UPRT: variants seen among roughly 807,000 people sequenced by gnomAD.
The protein encoded by UPRT is RP11-311P8.3.
Under a neutral mutation model 22.6 loss-of-function variants are expected in UPRT, and 5 were observed. That is an observed-to-expected ratio of 0.22 (90% CI 0.12 to 0.47). UPRT has a LOEUF of 0.47. Ranked by LOEUF, UPRT falls within the 20% of genes least tolerant of loss-of-function variation. The pLI, the probability that UPRT is intolerant of heterozygous loss-of-function variation, is 0.99. For synonymous variants in UPRT, 77 were observed against 87.7 expected (o/e 0.88, Z 0.68); for missense variants, 181 against 239.9 (o/e 0.75, Z 1.62).
chrX:75,157,672 T>C (rs188887900), intron 1 of UPRT, among the ~76,000 whole-genome samples: 20 of 111,837 alleles, frequency 1.8e-4, no homozygotes, highest in African/African-American at 6.5e-4. Context: ...AGTGAGAAGG[T>C]TGGATTGGAC....
intron 4 of UPRT, among the ~76,000 whole-genome samples, chrX:75,264,673 C>T (rs918074531): frequency 3.6e-5 from 4 of 111,542 alleles, no homozygotes; most frequent in African/African-American, 9.8e-5. Context: ...TTAATTGCAA[C>T]ATTTAGCCCA....
chrX:75,183,997 TC>T (rs1569260776), intron 4 of UPRT, among the ~76,000 whole-genome samples: 3 of 112,389 alleles, frequency 2.7e-5, no homozygotes, highest in Non-Finnish European at 5.6e-5. Context: ...GATGGTAGTT[TC>T]TTTTGCTGTG....
intron 4 of UPRT, among the ~76,000 whole-genome samples, chrX:75,209,986 G>C (rs1035806471): frequency 8.9e-6 from 1 of 112,073 alleles, no homozygotes; most frequent in African/African-American, 3.2e-5. Flanking sequence ...AATTTCTTTC[G>C]GATGTGTGGG....
intron 4 of UPRT, among the ~76,000 whole-genome samples, chrX:75,218,905 G>C (rs752720458): frequency 1.4e-4 from 16 of 110,673 alleles, no homozygotes; most frequent in Non-Finnish European, 2.5e-4. Flanking sequence ...GGGGAACGGG[G>C]GAGGGATAGC....
intron 4 of UPRT, among the ~76,000 whole-genome samples, chrX:75,247,603 C>A (rs746920882): frequency 4.8e-4 from 54 of 112,663 alleles, no homozygotes; most frequent in African/African-American, 1.7e-3. Context: ...GTGGAGCCCA[C>A]CATAGCTCAA....
chrX:75,180,068 C>T (rs990403989), intron 4 of UPRT, among the ~76,000 whole-genome samples: 11 of 112,711 alleles, frequency 9.8e-5, no homozygotes, highest in African/African-American at 2.3e-4. Context: ...ACTGCCAGCA[C>T]GCTGTCACCT....
chrX:75,205,305 A>G lies in UPRT; in HGVS notation c.-447+37426A>G, dbSNP rs764315136. On this transcript the variant is annotated intron_variant, in intron 4 of 13. Coordinates refer to the UPRT transcript ENST00000652605. Reference sequence around the variant, plus strand: ...GAATGGCGTGAACCCGGGAAGCGGAACTTGCAGTGAGCCGAGATTGCGCCA... The same window carrying G: ...GAATGGCGTGAACCCGGGAAGCGGAGCTTGCAGTGAGCCGAGATTGCGCCA... Among the ~76,000 whole-genome samples the G allele has an allele frequency of 5.4e-3, 563 of 104,778 alleles. 1 individual carries two copies. Among genetic ancestry groups the G allele is most frequent in the African/African-American group, 0.019 (537 of 28,450 alleles). 91.0% of individuals were successfully genotyped at this position (104,778 alleles called of 115,157 possible). A position where few individuals can be genotyped will look rare whatever the true frequency, so the allele number is the denominator to read the frequency against.
intron 4 of UPRT, among the ~76,000 whole-genome samples, chrX:75,168,876 C>A (rs772464018): frequency 1.2e-4 from 13 of 111,785 alleles, no homozygotes; most frequent in Non-Finnish European, 2.4e-4. Context: ...GTTTACCCAT[C>A]ACCTGAGCAG....
At chrX:75,211,179 G>A (rs1000239685) in intron 4 of UPRT, among the ~76,000 whole-genome samples, 4 of 111,105 alleles carry the variant, frequency 3.6e-5, no homozygotes, top group African/African-American at 9.8e-5. Context: ...ATTTAGAAGA[G>A]GGGAGTGAGT....
intron 4 of UPRT, among the ~76,000 whole-genome samples, chrX:75,186,233 G>C (rs759799099): frequency 1.6e-4 from 18 of 111,175 alleles, no homozygotes; most frequent in African/African-American, 5.6e-4. Flanking sequence ...GTTTGTTCTC[G>C]TTGGTTTCAA....
At chrX:75,218,213 A>C (rs1249304590) in intron 4 of UPRT, among the ~76,000 whole-genome samples, 6 of 111,333 alleles carry the variant, frequency 5.4e-5, no homozygotes, top group African/African-American at 1.3e-4. Flanking sequence ...CAACCCCATC[A>C]AAAAGTGGGT....
At chrX:75,168,785 T>G (rs1474222532) in intron 4 of UPRT, among the ~76,000 whole-genome samples, 1 of 111,635 alleles carries the variant, frequency 9.0e-6, no homozygotes, top group Non-Finnish European at 1.9e-5. Context: ...CACCTAGGCC[T>G]CCCAAAGTGC....
intron 4 of UPRT, among the ~76,000 whole-genome samples, chrX:75,219,761 AC>A (rs2082404349): frequency 9.0e-6 from 1 of 111,465 alleles, no homozygotes; most frequent in Non-Finnish European, 1.9e-5. Context: ...AGACCCCAAT[AC>A]AATAATAGCT....
At chrX:75,192,863 G>C (rs1357622076) in intron 4 of UPRT, among the ~76,000 whole-genome samples, 2 of 111,716 alleles carry the variant, frequency 1.8e-5, no homozygotes, top group Admixed American at 1.9e-4. Context: ...CATTGCATGG[G>C]GGATGGGTCT....
intron 4 of UPRT, among the ~76,000 whole-genome samples, chrX:75,245,928 C>T (rs182082671): frequency 9.0e-6 from 1 of 111,007 alleles, no homozygotes; most frequent in African/African-American, 3.3e-5. Context: ...TGCACATGTA[C>T]CCTTGAACCA....
At chrX:75,301,873 C>T (rs2082745477) in intron 6 of UPRT, among the ~76,000 whole-genome samples, 2 of 111,985 alleles carry the variant, frequency 1.8e-5, no homozygotes, top group South Asian at 7.4e-4. Flanking sequence ...GCTAGACAGA[C>T]ACACAGTGTT....
At chrX:75,229,812 C>A (rs978084827) in intron 4 of UPRT, among the ~76,000 whole-genome samples, 1 of 111,886 alleles carries the variant, frequency 8.9e-6, no homozygotes, top group Admixed American at 9.5e-5. Flanking sequence ...TGGGGAGGGG[C>A]CACAGGGTGA....
intron 1 of UPRT, among the ~76,000 whole-genome samples, chrX:75,286,723 A>G (rs1422570982): frequency 8.9e-6 from 1 of 111,922 alleles, no homozygotes; most frequent in Non-Finnish European, 1.9e-5. Flanking sequence ...GAGAAGTATC[A>G]TAACAGGACA....
At chrX:75,254,537 C>A (rs1456116173) in intron 4 of UPRT, among the ~76,000 whole-genome samples, 1 of 111,621 alleles carries the variant, frequency 9.0e-6, no homozygotes, top group East Asian at 2.8e-4. Flanking sequence ...TTATGTCAAA[C>A]AACCAAACCT....
Sources: allele counts gnomAD v4.1 joint callset (sites outside exome capture counted in the v4.1 genomes callset), GRCh38; gene constraint gnomAD v4.1.1; transcripts MANE v1.5; gene names NCBI Gene and HGNC (gene_info 2026-07-23, HGNC 2026-07-21).